The following FMN1 variants were observed in gnomAD, a reference collection of about 807,000 sequenced individuals.
FMN1 encodes the protein formin-1.
In FMN1, 110 loss-of-function variants were observed where a neutral mutation model predicts 132.4. The ratio of observed to expected loss-of-function variants is 0.83; its 90% CI spans 0.71 to 0.97. The LOEUF is 0.97. Ranked by LOEUF, FMN1 falls within the 50% of genes least tolerant of loss-of-function variation. The pLI, the probability that FMN1 is intolerant of heterozygous loss-of-function variation, is 0.00. For synonymous variants in FMN1, 722 were observed against 651.7 expected, an observed-to-expected ratio of 1.11 and a Z score of -1.64; for missense variants, 1,792 against 1,705.3, an observed-to-expected ratio of 1.05 and a Z score of -0.90.
At position 32,949,970 on chromosome 15, in the gene FMN1, C is replaced by CATATATATATATAT. The variant is rs370244413; in HGVS notation, c.3138+14136_3138+14137insATATATATATATAT. On this transcript the variant is annotated intron_variant, in intron 9 of 20. Transcript: ENST00000616417. ...ATATATATATATATATATATACACA[C>CATATATATATATAT]ATATATATACACACACATATATATA... Among the ~76,000 whole-genome samples the CATATATATATATAT allele has an allele frequency of 8.5e-3, 74 of 8,734 alleles. 7 individuals carry two copies. The highest frequency in any genetic ancestry group is 0.017 in the East Asian group (5 of 302). The allele number at this position is 8,734 out of a possible 152,430, so 5.7% of individuals were successfully genotyped here. A position where few individuals can be genotyped will look rare whatever the true frequency, so the allele number is the denominator to read the frequency against.
intron 4 of FMN1, among the ~76,000 whole-genome samples, chr15:33,151,725 T>A (rs1163521603): frequency 6.6e-6 from 1 of 152,190 alleles, no homozygotes; most frequent in Non-Finnish European, 1.5e-5. Flanking sequence ...GAGAGTTTCC[T>A]TGTCAAGTGT....
At chr15:32,830,094 A>C (rs1158773852) in intron 17 of FMN1, among the ~76,000 whole-genome samples, 1 of 152,222 alleles carries the variant, frequency 6.6e-6, no homozygotes, top group Non-Finnish European at 1.5e-5. Context: ...CTCTGAATAC[A>C]GGATCATCCC....
chr15:32,791,004 G>A (rs1313515283), intron 19 of FMN1, among the ~76,000 whole-genome samples: 3 of 152,194 alleles, frequency 2.0e-5, no homozygotes, highest in Non-Finnish European at 2.9e-5. Flanking sequence ...GGTTTCTGGA[G>A]GCAGCCCTTG....
At chr15:32,853,991 C>CATTCTATA (rs2059068400) in intron 17 of FMN1, among the ~76,000 whole-genome samples, 1 of 152,168 alleles carries the variant, frequency 6.6e-6, no homozygotes, top group Non-Finnish European at 1.5e-5. Flanking sequence ...AGAATGTGAA[C>CATTCTATA]CACTAATACA....
chr15:33,185,110 G>A (rs1465404982), intron 2 of FMN1, among the ~76,000 whole-genome samples: 2 of 152,156 alleles, frequency 1.3e-5, no homozygotes, highest in Non-Finnish European at 2.9e-5. Flanking sequence ...GATTATTGAA[G>A]GTTAGCATCT....
At chr15:32,993,884 T>C in intron 7 of FMN1, among the ~76,000 whole-genome samples, 1 of 115,124 alleles carries the variant, frequency 8.7e-6, no homozygotes, top group South Asian at 3.2e-4. Flanking sequence ...CCTCAACTTG[T>C]CCTCTGCAAC....
chr15:32,842,735 A>G (rs2058771611), intron 17 of FMN1, among the ~76,000 whole-genome samples: 1 of 151,292 alleles, frequency 6.6e-6, no homozygotes, highest in South Asian at 2.1e-4. Context: ...GGGCACAATA[A>G]CCTTATGGTG....
At chr15:32,933,696 A>C (rs1251646666) in intron 9 of FMN1, among the ~76,000 whole-genome samples, 1 of 152,078 alleles carries the variant, frequency 6.6e-6, no homozygotes, top group Non-Finnish European at 1.5e-5. Context: ...TGACCCTTTT[A>C]TCATTAAATA....
chr15:33,144,708 T>C (rs1357292760), intron 4 of FMN1, among the ~76,000 whole-genome samples: 1 of 148,938 alleles, frequency 6.7e-6, no homozygotes, highest in African/African-American at 2.5e-5. Flanking sequence ...ATAAAGATGC[T>C]ATATAAGTAA....
intron 9 of FMN1, among the ~76,000 whole-genome samples, chr15:32,933,256 T>A (rs2061167961): frequency 6.6e-6 from 1 of 152,230 alleles, no homozygotes; most frequent in Non-Finnish European, 1.5e-5. Flanking sequence ...AAAAGTGTGC[T>A]GTTTAATTTC....
At chr15:33,126,338 G>A (rs553314927) in intron 4 of FMN1, among the ~76,000 whole-genome samples, 3 of 152,318 alleles carry the variant, frequency 2.0e-5, no homozygotes, top group South Asian at 4.1e-4. Context: ...AGAGGAGGCA[G>A]AAGGTCACTG....
At chr15:32,920,146 T>C (rs1471637401) in intron 10 of FMN1, among the ~76,000 whole-genome samples, 1 of 152,202 alleles carries the variant, frequency 6.6e-6, no homozygotes, top group East Asian at 1.9e-4. Flanking sequence ...TGAACGTTTA[T>C]ATCAAGAATA....
At chr15:33,119,260 G>T (rs918135499) in intron 4 of FMN1, among the ~76,000 whole-genome samples, 2 of 152,110 alleles carry the variant, frequency 1.3e-5, no homozygotes, top group Non-Finnish European at 2.9e-5. Flanking sequence ...TTCCTCTGGG[G>T]TTACCGACCT....
intron 6 of FMN1, among the ~76,000 whole-genome samples, chr15:33,047,116 G>A (rs28748087): frequency 0.28 from 41,880 of 152,072 alleles, 5,953 homozygotes; most frequent in Non-Finnish European, 0.31. Flanking sequence ...TTACAATGGC[G>A]GTCTGGCTTA....
At chr15:32,813,901 T>C (rs2057971379) in intron 17 of FMN1, among the ~76,000 whole-genome samples, 1 of 152,208 alleles carries the variant, frequency 6.6e-6, no homozygotes, top group African/African-American at 2.4e-5. Flanking sequence ...TCCCTGCTGC[T>C]TCCCAAGGGG....
chr15:32,949,996 C>T lies in FMN1; in HGVS notation c.3138+14111G>A, dbSNP rs1443996191. ...ATATATATACACACACATATATATA[C>T]ACATACACATATATATATACACATA... is the stretch of plus-strand genomic sequence containing the variant. On this transcript the variant is annotated intron_variant, in intron 9 of 20. Coordinates refer to ENST00000616417, the MANE Select transcript of FMN1 (RefSeq NM_001277313.2). Among the ~76,000 whole-genome samples, 14 of 5,804 alleles carry T rather than the reference C, an allele frequency of 2.4e-3. 3 individuals carry two copies. Among genetic ancestry groups the T allele is most frequent in the African/African-American group, 3.1e-3 (6 of 1,926 alleles). The allele number at this position is 5,804 out of a possible 152,430, so 3.8% of individuals were successfully genotyped here. A position where few individuals can be genotyped will look rare whatever the true frequency, so the allele number is the denominator to read the frequency against.
At chr15:32,826,449 G>GC (rs1243384571) in intron 17 of FMN1, among the ~76,000 whole-genome samples, 11 of 152,350 alleles carry the variant, frequency 7.2e-5, no homozygotes, top group Non-Finnish European at 1.5e-4. Context: ...GGTATGCTCA[G>GC]AAACTGATGG....
chr15:32,899,773 A>G, intron 14 of FMN1: 1 of 589,244 alleles, frequency 1.7e-6, no homozygotes, highest in Non-Finnish European at 2.9e-6. Flanking sequence ...AATTGAAAAT[A>G]AAGTCTAACG....
rs570411888 is a variant in FMN1 at position 32,981,122 on chromosome 15, A to G, written c.2224-11645T>C. On this transcript the variant is annotated intron_variant, in intron 7 of 20. Coordinates refer to ENST00000616417, the MANE Select transcript of FMN1 (RefSeq NM_001277313.2). ...ATTTTAAAAGGAAATTTTTTTTCAA[A>G]AAATGTTTCCATTTGTAACTATTTT... 1.7e-3 allele frequency among the ~76,000 whole-genome samples: 261 copies of G among 152,222 alleles called. 1 individual carries two copies. The highest frequency in any genetic ancestry group is 6.0e-3 in the African/African-American group (250 of 41,542).
Sources: allele counts gnomAD v4.1 joint callset (sites outside exome capture counted in the v4.1 genomes callset), GRCh38; gene constraint gnomAD v4.1.1; transcripts MANE v1.5; gene names NCBI Gene and HGNC (gene_info 2026-07-23, HGNC 2026-07-21).